The following MAF variants were observed in gnomAD, a reference collection of about 807,000 sequenced individuals.
MAF encodes the protein transcription factor Maf.
In MAF, 10 loss-of-function variants were observed where a neutral mutation model predicts 22.0. That is an observed-to-expected ratio of 0.45 (90% confidence interval 0.28 to 0.77). The LOEUF is 0.77. Ranked by LOEUF, MAF falls within the 30% of genes least tolerant of loss-of-function variation. The probability of loss-of-function intolerance (pLI) is 0.12; values close to 1 mark genes in which losing one functional copy is unlikely to be tolerated. For synonymous variants in MAF, 337 were observed against 255.8 expected (o/e 1.32, Z -3.03); for missense variants, 544 against 548.4 (o/e 0.99, Z 0.08).
At chr16:79,500,345 C>A in the MAF span, among the ~76,000 whole-genome samples, 4 of 152,344 alleles carry the variant, frequency 2.6e-5, no homozygotes, top group South Asian at 8.3e-4. Flanking sequence ...TTGTTGCCTA[C>A]TAGGTGGTAT....
the MAF span, among the ~76,000 whole-genome samples, chr16:79,344,673 G>A: frequency 6.6e-6 from 1 of 152,132 alleles, no homozygotes; most frequent in African/African-American, 2.4e-5. Context: ...ATCATAGTTA[G>A]CCACTTTGAA....
At chr16:79,270,993 T>C in the MAF span, among the ~76,000 whole-genome samples, 1 of 151,288 alleles carries the variant, frequency 6.6e-6, no homozygotes, top group African/African-American at 2.4e-5. Flanking sequence ...CTCCGCCTCC[T>C]GGGTTCAAGT....
the MAF span, among the ~76,000 whole-genome samples, chr16:79,531,176 C>G: frequency 1.3e-5 from 2 of 152,090 alleles, no homozygotes; most frequent in East Asian, 3.8e-4. Flanking sequence ...ATAAGCATAC[C>G]CTTGCCTAGG....
chr16:79,477,695 G>C, the MAF span, among the ~76,000 whole-genome samples: 1 of 152,064 alleles, frequency 6.6e-6, no homozygotes, highest in African/African-American at 2.4e-5. Flanking sequence ...CAAGCTGCTT[G>C]AAATTCATTG....
chr16:79,233,009 G>T, the MAF span, among the ~76,000 whole-genome samples: 11,051 of 151,508 alleles, frequency 0.073, 577 homozygotes, highest in Middle Eastern at 0.15. Context: ...CACGGCTAAT[G>T]TTTTGTATTT....
the MAF span, among the ~76,000 whole-genome samples, chr16:79,343,121 G>C: frequency 6.6e-6 from 1 of 152,160 alleles, no homozygotes; most frequent in Non-Finnish European, 1.5e-5. Context: ...AGGTACAGGA[G>C]CAAAGAGGCA....
chr16:79,448,429 T>C, the MAF span, among the ~76,000 whole-genome samples: 1 of 151,912 alleles, frequency 6.6e-6, no homozygotes, highest in East Asian at 1.9e-4. Flanking sequence ...TTTATTTGTT[T>C]TTGTTTTTGT....
chr16:79,302,583 T>C, the MAF span, among the ~76,000 whole-genome samples: 1 of 152,218 alleles, frequency 6.6e-6, no homozygotes, highest in Non-Finnish European at 1.5e-5. Context: ...GCACCTCCTT[T>C]CATAAAAACA....
chr16:79,482,847 TC>T, the MAF span, among the ~76,000 whole-genome samples: 4 of 31,888 alleles, frequency 1.3e-4, no homozygotes, highest in Admixed American at 3.5e-4. Context: ...CTCCATCCCC[TC>T]CCCTCCCCTC....
chr16:79,255,344 A>T, the MAF span, among the ~76,000 whole-genome samples: 5 of 152,314 alleles, frequency 3.3e-5, no homozygotes, highest in African/African-American at 1.2e-4. Context: ...TGCAGATGAA[A>T]ATCAGAAGTG....
the MAF span, among the ~76,000 whole-genome samples, chr16:79,208,444 A>ATTAT: frequency 6.6e-6 from 1 of 152,046 alleles, no homozygotes; most frequent in Non-Finnish European, 1.5e-5. Flanking sequence ...TCAAGGTATT[A>ATTAT]TTATTTATCA....
At chr16:79,334,732 C>T in the MAF span, among the ~76,000 whole-genome samples, 60 of 152,058 alleles carry the variant, frequency 3.9e-4, no homozygotes, top group African/African-American at 1.3e-3. Context: ...GCTGAGCACT[C>T]GAGGTTAGTG....
the MAF span, among the ~76,000 whole-genome samples, chr16:79,565,448 G>A: frequency 2.6e-5 from 4 of 151,986 alleles, no homozygotes; most frequent in Non-Finnish European, 4.4e-5. Context: ...ATATGGTTTC[G>A]CTGTGTCCCC....
chr16:79,369,479 A>G, the MAF span, among the ~76,000 whole-genome samples: 3 of 152,222 alleles, frequency 2.0e-5, no homozygotes, highest in African/African-American at 7.2e-5. Context: ...GGACAGGAGG[A>G]TCCTCTGATT....
chr16:79,415,019 G>T, the MAF span, among the ~76,000 whole-genome samples: 1 of 152,192 alleles, frequency 6.6e-6, no homozygotes, highest in Non-Finnish European at 1.5e-5. Context: ...TGACATGTTT[G>T]TTTCCCTTTG....
the MAF span, among the ~76,000 whole-genome samples, chr16:79,479,602 G>A: frequency 5.9e-5 from 9 of 152,184 alleles, no homozygotes; most frequent in Non-Finnish European, 8.8e-5. Context: ...GCCGAGCCAA[G>A]CCAACTTGCC....
the MAF span, chr16:79,229,246 C>G: frequency 1.3e-5 from 2 of 151,732 alleles, no homozygotes; most frequent in East Asian, 3.9e-4. Flanking sequence ...CCAGAAAAGC[C>G]TCTCCCAACC....
chr16:79,411,124 C>T, the MAF span, among the ~76,000 whole-genome samples: 1 of 152,076 alleles, frequency 6.6e-6, no homozygotes, highest in South Asian at 2.1e-4. Context: ...TTTTAGTTTC[C>T]ACTCCCCAGT....
the MAF span, among the ~76,000 whole-genome samples, chr16:79,321,456 G>C: frequency 6.6e-6 from 1 of 152,154 alleles, no homozygotes; most frequent in South Asian, 2.1e-4. Flanking sequence ...GAACATGGAG[G>C]CTAGAGAGGA....
Sources: gnomAD v4.1 joint callset for allele counts (sites outside exome capture counted in the v4.1 genomes callset) on GRCh38, gnomAD v4.1.1 for gene constraint, MANE v1.5 for transcripts, NCBI Gene and HGNC (gene_info 2026-07-23, HGNC 2026-07-21) for gene names.